Variants in ITPR1 observed in about 807,000 individuals in gnomAD.
The protein encoded by ITPR1 is inositol 1,4,5-trisphosphate-gated calcium channel ITPR1.
ITPR1 carries 96 observed loss-of-function variants against 318.4 expected under a neutral mutation model. The ratio of observed to expected loss-of-function variants is 0.30; its 90% CI spans 0.26 to 0.36. The LOEUF is 0.36. Ranked by LOEUF, ITPR1 falls within the 10% of genes least tolerant of loss-of-function variation. ITPR1 has a pLI of 1.00. For missense variants in ITPR1, 2,440 were observed against 3,460.2 expected (o/e 0.71, Z 7.40); for synonymous variants, 1,312 against 1,289.9 (o/e 1.02, Z -0.37).
intron 2 of ITPR1, among the ~76,000 whole-genome samples, chr3:4,498,751 T>C (rs1034950006): frequency 1.4e-4 from 21 of 152,236 alleles, no homozygotes; most frequent in African/African-American, 4.6e-4. Context: ...GAACGTACAG[T>C]TGACTTGGAG....
chr3:4,789,226 C>G (rs963622742), intron 52 of ITPR1, among the ~76,000 whole-genome samples: 2 of 152,210 alleles, frequency 1.3e-5, no homozygotes, highest in Non-Finnish European at 1.5e-5. Context: ...TCAGCCAGCT[C>G]CATGTCTAGT....
chr3:4,498,606 A>G (rs1047411416), intron 2 of ITPR1, among the ~76,000 whole-genome samples: 1 of 152,196 alleles, frequency 6.6e-6, no homozygotes, highest in Non-Finnish European at 1.5e-5. Context: ...GACTCTGGTA[A>G]GGTTGGCAGG....
chr3:4,534,146 AGTGC>A (rs1229917401), intron 4 of ITPR1, among the ~76,000 whole-genome samples: 1 of 152,164 alleles, frequency 6.6e-6, no homozygotes. Context: ...AGGGGATACA[AGTGC>A]AGTTTTGTTA....
At chr3:4,673,514 T>A in intron 21 of ITPR1, 127 bp downstream of exon 21, 2 of 974,616 alleles carry the variant, frequency 2.1e-6, no homozygotes, top group African/African-American at 1.6e-5. Flanking sequence ...AAAATAAAAT[T>A]AAGTGGATGG....
chr3:4,774,136 A>G (rs923050767), intron 46 of ITPR1, among the ~76,000 whole-genome samples: 1 of 152,264 alleles, frequency 6.6e-6, no homozygotes, highest in African/African-American at 2.4e-5. Context: ...CATTTGTTAC[A>G]TATTAATCTA....
intron 36 of ITPR1, 63 bp from the exon 37 acceptor site, chr3:4,706,104 G>T: frequency 6.4e-7 from 1 of 1,574,496 alleles, no homozygotes; most frequent in Non-Finnish European, 8.7e-7. Context: ...AGGGCATTAC[G>T]TCCATCTGTA....
At chr3:4,691,108 C>T in intron 31 of ITPR1, 36 bp from the exon 32 acceptor site, 1 of 1,468,058 alleles carries the variant, frequency 6.8e-7, no homozygotes, top group South Asian at 1.3e-5. Context: ...AGCTTTTTGA[C>T]TTGTCCCTGT....
chr3:4,776,439 T>C (rs951876040), intron 47 of ITPR1, among the ~76,000 whole-genome samples: 12 of 152,298 alleles, frequency 7.9e-5, no homozygotes, highest in African/African-American at 2.9e-4. Flanking sequence ...CTTCAAATGG[T>C]CAGTGCTAAA....
Position 4,670,715 on chromosome 3 carries a change from C to G in ITPR1, c.2007-14C>G. On this transcript the variant is annotated splice_polypyrimidine_tract_variant and intron_variant, in intron 19 of 61. Transcript: ENST00000649015. ...TAAAAATAGTAACTTTTCCCTCCTC[C>G]TCTTGTTTTCTAGGTTGGTTCTTTC... The G allele has an allele frequency of 6.5e-7, 1 of 1,545,320 alleles. No homozygotes were observed.
chr3:4,751,461 A>C (rs3792494), intron 44 of ITPR1: 1 of 152,172 alleles, frequency 6.6e-6, no homozygotes, highest in Non-Finnish European at 1.5e-5. Flanking sequence ...CCACCAGAGC[A>C]GAGACACTTA....
intron 4 of ITPR1, among the ~76,000 whole-genome samples, chr3:4,607,951 C>A (rs1446984094): frequency 1.3e-5 from 2 of 152,136 alleles, no homozygotes; most frequent in Non-Finnish European, 2.9e-5. Context: ...AGAATTCAGG[C>A]TCGTCCATCT....
intron 21 of ITPR1, among the ~76,000 whole-genome samples, chr3:4,673,822 G>T (rs369159367): frequency 0.011 from 1,726 of 152,018 alleles, 33 homozygotes; most frequent in Middle Eastern, 0.038. Context: ...GACCTTGTGA[G>T]CCGTCCACCT....
intron 13 of ITPR1, among the ~76,000 whole-genome samples, chr3:4,659,467 T>C (rs1290359221): frequency 6.6e-6 from 1 of 152,102 alleles, no homozygotes; most frequent in African/African-American, 2.4e-5. Context: ...GATCACTTGA[T>C]TGAGTCCAGG....
chr3:4,614,076 TG>T (rs1439422993), intron 4 of ITPR1, among the ~76,000 whole-genome samples: 1 of 152,176 alleles, frequency 6.6e-6, no homozygotes, highest in Admixed American at 6.5e-5. Flanking sequence ...CTCTTTGATT[TG>T]GCATCTTTCA....
intron 4 of ITPR1, among the ~76,000 whole-genome samples, chr3:4,580,106 A>C (rs1350369303): frequency 1.3e-5 from 2 of 151,794 alleles, no homozygotes; most frequent in Non-Finnish European, 2.9e-5. Context: ...GCTACCCGGG[A>C]GGCTGAGGCA....
rs2045959065 is a variant in ITPR1, at chr3:4,768,450, G to A, written c.5726-61G>A. ...TGTAGGTTTCTGAGTGTCACCTTTG[G>A]AGTGGTGAATAGGGCCCATGAGGAC... On this transcript the variant is annotated intron_variant, in intron 45 of 61. Transcript: ENST00000649015. 7 of 1,510,656 alleles carry A rather than the reference G, an allele frequency of 4.6e-6. No individual in the cohort carries two copies. In the South Asian group the frequency reaches 9.3e-5, roughly 20 times the overall value. The allele number at this position is 1,510,656 out of a possible 1,614,324, so 93.6% of individuals were successfully genotyped here. A position where few individuals can be genotyped will look rare whatever the true frequency, so the allele number is the denominator to read the frequency against.
intron 4 of ITPR1, among the ~76,000 whole-genome samples, chr3:4,618,569 C>T (rs1263964561): frequency 6.6e-6 from 1 of 152,162 alleles, no homozygotes; most frequent in Non-Finnish European, 1.5e-5. Context: ...CATATGCAAC[C>T]TTCCCCTAGA....
intron 2 of ITPR1, among the ~76,000 whole-genome samples, chr3:4,507,093 G>A (rs1321941879): frequency 2.0e-5 from 3 of 150,788 alleles, no homozygotes; most frequent in Non-Finnish European, 4.4e-5. Flanking sequence ...TTTGAGAAGA[G>A]TAGCAATTTT....
intron 4 of ITPR1, among the ~76,000 whole-genome samples, chr3:4,524,300 C>CG (rs879768984): frequency 5.1e-5 from 3 of 58,338 alleles, no homozygotes; most frequent in Non-Finnish European, 1.1e-4. Context: ...CATACTTTGA[C>CG]GTTTTTTTTT....
Sources: gnomAD v4.1 joint callset for allele counts (sites outside exome capture counted in the v4.1 genomes callset) on GRCh38, gnomAD v4.1.1 for gene constraint, MANE v1.5 for transcripts, NCBI Gene and HGNC (gene_info 2026-07-23, HGNC 2026-07-21) for gene names.